SRRM2: variants seen among roughly 807,000 people sequenced by gnomAD.
SRRM2 encodes serine/arginine repetitive matrix 2.
Under a neutral mutation model 213.8 loss-of-function variants are expected in SRRM2, and 30 were observed. The ratio of observed to expected loss-of-function variants is 0.14; its 90% confidence interval spans 0.10 to 0.19. SRRM2 has a LOEUF of 0.19. SRRM2 is among the 10% of genes least tolerant of loss of function. The pLI, the probability that SRRM2 is intolerant of heterozygous loss-of-function variation, is 1.00. For missense variants in SRRM2, 4,904 were observed against 3,647.0 expected, an observed-to-expected ratio of 1.34 and a Z score of -8.88; for synonymous variants, 2,025 against 1,377.7, an observed-to-expected ratio of 1.47 and a Z score of -10.40.
chr16:2,759,165 A>G lies in SRRM2; in HGVS notation c.682A>G (p.Lys228Glu). ...HRSESESKKR[K>E]HRSPTPKSKR... ...GTCAGAATCTGAGTCCAAGAAACGT[A>G]AGCATAGGTAAGAGCTCTTTAACTC... Residue 228 changes from lysine (K) to glutamate (E), a missense_variant, in exon 7 of 15, where the codon AAG (lysine) becomes GAG (glutamate). By Grantham distance (56) the Lys-to-Glu change is moderately conservative. Transcript: ENST00000301740. 2 of 1,614,146 alleles carry G rather than the reference A, an allele frequency of 1.2e-6. No homozygotes were observed. Among genetic ancestry groups the G allele is most frequent in the Non-Finnish European group, 1.7e-6 (2 of 1,180,020 alleles).
Position 2,770,983 on chromosome 16 carries a change from C to G in SRRM2, c.*116C>G, listed in dbSNP as rs557390123. The G allele has an allele frequency of 4.5e-6, 6 of 1,335,344 alleles. No homozygotes were observed. The highest frequency in any genetic ancestry group is 4.8e-5 in the East Asian group (2 of 42,082). 82.7% of individuals were successfully genotyped at this position (1,335,344 alleles called of 1,614,324 possible). A position where few individuals can be genotyped will look rare whatever the true frequency, so the allele number is the denominator to read the frequency against. ...CTGCTCTCCTTTGAACCTTGGCAGC[C>G]CTTGGATGGAGGGCTCCCTTTCCCT... On this transcript the variant is annotated 3_prime_UTR_variant, in exon 15 of 15. Transcript: ENST00000301740.
rs778475584 is a variant in SRRM2 at position 2,762,870 on chromosome 16, G to C, written c.2342G>C (p.Gly781Ala). The C allele has an allele frequency of 6.2e-7, 1 of 1,613,864 alleles. No individual in the cohort carries two copies. The highest frequency in any genetic ancestry group is 8.5e-7 in the Non-Finnish European group (1 of 1,180,008). Reference protein sequence around the residue: ...SRLSLRRSLSGSSPCPKQKSQ... With the variant: ...SRLSLRRSLSASSPCPKQKSQ... ...TTGTCTTTGAGGCGCAGCCTTTCAGGGTCTTCCCCATGCCCTAAACAAAAG... is the reference window on the plus strand; with the variant it reads ...TTGTCTTTGAGGCGCAGCCTTTCAGCGTCTTCCCCATGCCCTAAACAAAAG... Residue 781 changes from glycine (G) to alanine (A), a missense_variant, in exon 11 of 15, where the codon GGG becomes GCG. Transcript: ENST00000301740.
Position 2,764,363 on chromosome 16 carries a change from G to C in SRRM2, c.3835G>C (p.Ala1279Pro). 6.2e-7 allele frequency: 1 copy of C among 1,614,130 alleles called. No homozygotes were observed. Among genetic ancestry groups the C allele is most frequent in the Non-Finnish European group, 8.5e-7 (1 of 1,180,032 alleles). Reference protein sequence around the residue: ...ESSPEVEERPAVSLTLDQSQS... With the variant: ...ESSPEVEERPPVSLTLDQSQS... ...ATCTCCTGAAGTAGAAGAAAGGCCT[G>C]CTGTGTCTTTGACTCTTGATCAGAG... The change falls in exon 11 of 15, where the codon GCT (alanine) becomes CCT (proline). Residue 1279 changes from alanine to proline, a missense_variant. Physicochemically the swap from Ala to Pro is conservative, Grantham distance 27. Coordinates refer to ENST00000301740, the MANE Select transcript of SRRM2 (RefSeq NM_016333.4).
rs2150773939 is a variant in SRRM2, at chr16:2,760,118, G to A, written c.834-183G>A. On this transcript the variant is annotated intron_variant, in intron 9 of 14. Transcript: ENST00000301740. ...AGAACGCTCTTTGGGATTGTGTTGG[G>A]AAAAGAAGAACCAAAGTGGACTGTA... 3 of 648,484 alleles carry A rather than the reference G, an allele frequency of 4.6e-6. No homozygotes were observed. In the South Asian group the frequency reaches 5.6e-5, roughly 12 times the overall value. 40.2% of individuals were successfully genotyped at this position (648,484 alleles called of 1,614,324 possible). A position where few individuals can be genotyped will look rare whatever the true frequency, so the allele number is the denominator to read the frequency against.
chr16:2,757,951 C>T lies in SRRM2; in HGVS notation c.515+6C>T, dbSNP rs1399233377. On this transcript the variant is annotated splice_donor_region_variant and intron_variant, in intron 4 of 14. Transcript: ENST00000301740. ...GAGCCTCCCAAACCTTACAGGTATA[C>T]AAGGCCAAGAAACCACTGTCAGCTT... The T allele has an allele frequency of 6.2e-6, 10 of 1,605,716 alleles. No individual in the cohort carries two copies. In the African/African-American group the frequency reaches 8.1e-5, roughly 13 times the overall value.
At position 2,761,557 on chromosome 16, in the gene SRRM2, T is replaced by C. The variant is rs1567226507; in HGVS notation, c.1033-4T>C. The stretch of plus-strand genomic sequence containing the variant: ...CCTATCCCTGCTCTCTCTTCCACTC[T>C]TAGAAATCTGCAACTCGACCTAGCC... On this transcript the variant is annotated splice_polypyrimidine_tract_variant and splice_region_variant and intron_variant, in intron 10 of 14. Coordinates refer to ENST00000301740, the MANE Select transcript of SRRM2 (RefSeq NM_016333.4). 1 of 1,502,682 alleles carries C rather than the reference T, an allele frequency of 6.7e-7. No homozygotes were observed. Among genetic ancestry groups the C allele is most frequent in the Non-Finnish European group, 8.9e-7 (1 of 1,127,358 alleles). The allele number at this position is 1,502,682 out of a possible 1,614,324, so 93.1% of individuals were successfully genotyped here.
At chr16:2,754,966 A>C (rs1216901822) in intron 1 of SRRM2, among the ~76,000 whole-genome samples, 3 of 152,176 alleles carry the variant, frequency 2.0e-5, no homozygotes, top group Non-Finnish European at 4.4e-5. Context: ...ATTTTTCCAA[A>C]CATTTGTATG....
In SRRM2 at chr16:2,769,207, C is replaced by G. The variant is rs745897724; in HGVS notation, c.7944C>G (p.Ser2648=). 1.6e-5 allele frequency: 26 copies of G among 1,605,032 alleles called. No individual in the cohort carries two copies. Among genetic ancestry groups the G allele is most frequent in the Non-Finnish European group, 2.0e-5 (24 of 1,175,952 alleles). ...SSSSSSSSSS[S]PSPAKPGPQA... ...CTTCCTCCTCCTCGTCGTCTTCCTC[C>G]CCTTCCCCTGCTAAGCCTGGCCCTC... Residue 2648 remains serine (S), a synonymous_variant, in exon 12 of 15, where the codon TCC becomes TCG. Transcript: ENST00000301740.
rs764987098 is a variant in SRRM2, at chr16:2,757,915, A to G, written c.485A>G (p.Gln162Arg). The G allele has an allele frequency of 6.2e-7, 1 of 1,613,980 alleles. No homozygotes were observed. The highest frequency in any genetic ancestry group is 8.5e-7 in the Non-Finnish European group (1 of 1,180,022). Residue 162 changes from glutamine (Q) to arginine (R), a missense_variant, in exon 4 of 15, where the codon CAA becomes CGA. By Grantham distance (43) the Gln-to-Arg change is conservative (BLOSUM62 1). Coordinates refer to ENST00000301740, the MANE Select transcript of SRRM2 (RefSeq NM_016333.4). ...CAGCGTCGTGCCCGAGAAGCTAAAC[A>G]ACCAGCTCCTGAGCCTCCCAAACCT... ...DPQRRAREAK[Q>R]PAPEPPKPYS...
rs767490853 is a variant in SRRM2, at chr16:2,761,574, G to A, written c.1046G>A (p.Arg349Gln). 1.5e-5 allele frequency: 23 copies of A among 1,495,590 alleles called. No homozygotes were observed. The East Asian group carries it at 3.3e-4, about 21-fold the overall frequency. 92.6% of individuals were successfully genotyped at this position (1,495,590 alleles called of 1,614,324 possible). Residue 349 changes from arginine (R) to glutamine (Q), a missense_variant, in exon 11 of 15, where the codon CGA becomes CAA. By Grantham distance (43) the Arg-to-Gln change is conservative (BLOSUM62 1). Coordinates refer to ENST00000301740, the MANE Select transcript of SRRM2 (RefSeq NM_016333.4). ...TTCCACTCTTAGAAATCTGCAACTC[G>A]ACCTAGCCCCTCTCCGGAAAGGAGC... ...DKDKKEKSAT[R>Q]PSPSPERSST...
rs763772997 is a variant in SRRM2 at position 2,764,938 on chromosome 16, T to C, written c.4410T>C (p.Pro1470=). The C allele has an allele frequency of 1.6e-5, 26 of 1,613,998 alleles. No homozygotes were observed. Among genetic ancestry groups the C allele is most frequent in the Non-Finnish European group, 1.9e-5 (23 of 1,180,036 alleles). Residue 1470 remains proline (P), a synonymous_variant, in exon 11 of 15, where the codon CCT becomes CCC. Transcript: ENST00000301740. ...SGSSPGMKDI[P]RTPSRGRSEC... Reference sequence around the variant, plus strand: ...CCTCTCCTGGAATGAAAGATATACCTAGAACGCCATCTAGAGGGAGAAGCG... The same window carrying C: ...CCTCTCCTGGAATGAAAGATATACCCAGAACGCCATCTAGAGGGAGAAGCG...
At position 2,768,003 on chromosome 16, in the gene SRRM2, G is replaced by A; in HGVS notation, c.7475G>A (p.Gly2492Asp). 6.2e-7 allele frequency: 1 copy of A among 1,614,150 alleles called. No individual in the cohort carries two copies. Among genetic ancestry groups the A allele is most frequent in the South Asian group, 1.1e-5 (1 of 91,076 alleles). Residue 2492 changes from glycine (G) to aspartate (D), a missense_variant, in exon 11 of 15, where the codon GGC (glycine) becomes GAC (aspartate). Gly to Asp is a moderately conservative substitution (Grantham distance 94). Coordinates refer to ENST00000301740, the MANE Select transcript of SRRM2 (RefSeq NM_016333.4). The part of the protein sequence containing the change: ...TTTSSAGDHN[G>D]MLSVPAPGVP... ...ACGTCCTCTGCTGGTGATCACAATG[G>A]CATGCTCTCTGTCCCTGCCCCTGGG...
intron 12 of SRRM2, chr16:2,769,774 G>A (rs576182676): frequency 8.6e-6 from 4 of 467,086 alleles, no homozygotes; most frequent in South Asian, 1.5e-5. Flanking sequence ...CCACCTCTGC[G>A]GGAGTGGCGT....
chr16:2,753,018 C>T (rs1050314918), intron 1 of SRRM2, among the ~76,000 whole-genome samples, 172 bp downstream of exon 1: 3 of 145,764 alleles, frequency 2.1e-5, no homozygotes, highest in Non-Finnish European at 4.5e-5. Context: ...CCCGCCGTTC[C>T]TGTCGCGCGC....
Position 2,764,942 on chromosome 16 carries a change from A to G in SRRM2, c.4414A>G (p.Thr1472Ala). ...SSPGMKDIPR[T>A]PSRGRSECDS... ...TCCTGGAATGAAAGATATACCTAGAACGCCATCTAGAGGGAGAAGCGAATG... is the reference window on the plus strand; with the variant it reads ...TCCTGGAATGAAAGATATACCTAGAGCGCCATCTAGAGGGAGAAGCGAATG... The change falls in exon 11 of 15, where the codon ACG (threonine) becomes GCG (alanine). Residue 1472 changes from threonine (T) to alanine (A), a missense_variant. Coordinates refer to ENST00000301740, the MANE Select transcript of SRRM2 (RefSeq NM_016333.4). 2 of 1,614,144 alleles carry G rather than the reference A, an allele frequency of 1.2e-6. No homozygotes were observed. Among genetic ancestry groups the G allele is most frequent in the Non-Finnish European group, 1.7e-6 (2 of 1,180,030 alleles).
rs772138554 is a variant in SRRM2 at position 2,763,162 on chromosome 16, C to T, written c.2634C>T (p.Asp878=). The change falls in exon 11 of 15, where the codon GAC becomes GAT. Residue 878 remains aspartate, a synonymous_variant. Coordinates refer to ENST00000301740, the MANE Select transcript of SRRM2 (RefSeq NM_016333.4). ...GGAGCTGTTTTGAATCATCACCTGA[C>T]CCTGAGTTGAAATCTAGGACCCCTT... The part of the protein sequence containing the change: ...QRRSCFESSP[D]PELKSRTPSR... The T allele has an allele frequency of 2.5e-6, 4 of 1,614,136 alleles. No individual in the cohort carries two copies. The highest frequency in any genetic ancestry group is 4.5e-5 in the East Asian group (2 of 44,888).
intron 11 of SRRM2, 147 bp from the exon 12 acceptor site, chr16:2,768,850 C>T (rs149970320): frequency 1.2e-4 from 180 of 1,514,004 alleles, no homozygotes; most frequent in Admixed American, 2.6e-4. Flanking sequence ...CCACTGCTCT[C>T]CAGAGAATTG....
At chr16:2,769,385 C>T (rs2068659162) in intron 12 of SRRM2, 101 bp downstream of exon 12, 1 of 1,363,412 alleles carries the variant, frequency 7.3e-7, no homozygotes. Flanking sequence ...CTCACGTGGC[C>T]TTGGGCATCT....
intron 5 of SRRM2, 60 bp downstream of exon 5, chr16:2,758,607 T>C (rs1228160272): frequency 2.6e-6 from 4 of 1,513,020 alleles, no homozygotes; most frequent in Non-Finnish European, 3.7e-6. Flanking sequence ...TGTACCTTTC[T>C]CTCTGGAAGT....
Sources: gnomAD v4.1 joint callset for allele counts (sites outside exome capture counted in the v4.1 genomes callset) on GRCh38, gnomAD v4.1.1 for gene constraint, MANE v1.5 for transcripts, NCBI Gene and HGNC (gene_info 2026-07-23, HGNC 2026-07-21) for gene names.